PTK2B: variants seen among roughly 807,000 people sequenced by gnomAD.
PTK2B encodes the protein protein-tyrosine kinase 2-beta.
Under a neutral mutation model 142.9 loss-of-function variants are expected in PTK2B, and 71 were observed. That is an observed-to-expected ratio of 0.50 (90% confidence interval 0.41 to 0.61). The LOEUF is 0.61. Among genes scored for constraint, PTK2B ranks in the 20% least tolerant of loss-of-function variants. The probability of loss-of-function intolerance (pLI) is 0.00; values close to 1 mark genes in which losing one functional copy is unlikely to be tolerated. For missense variants in PTK2B, 1,105 were observed against 1,320.4 expected (o/e 0.84, Z 2.53); for synonymous variants, 519 against 503.4 (o/e 1.03, Z -0.42).
At chr8:27,427,195 T>C (rs1810138171) in intron 5 of PTK2B, among the ~76,000 whole-genome samples, 1 of 152,148 alleles carries the variant, frequency 6.6e-6, no homozygotes, top group Non-Finnish European at 1.5e-5. Flanking sequence ...GCTTGTCCTC[T>C]ACATACATAG....
upstream of PTK2B, chr8:27,311,366 C>T (rs1190657624): frequency 1.7e-5 from 21 of 1,221,076 alleles, no homozygotes; most frequent in Non-Finnish European, 2.2e-5. Context: ...GAGACAGCGG[C>T]GCTGGCCAAT....
intron 1 of PTK2B, among the ~76,000 whole-genome samples, chr8:27,383,601 A>C (rs1807162559): frequency 6.6e-6 from 1 of 152,080 alleles, no homozygotes; most frequent in Non-Finnish European, 1.5e-5. Context: ...TCCATCATAA[A>C]GGTCTTTCTT....
At chr8:27,401,767 A>G (rs1311075804) in intron 2 of PTK2B, among the ~76,000 whole-genome samples, 1 of 152,242 alleles carries the variant, frequency 6.6e-6, no homozygotes, top group Non-Finnish European at 1.5e-5. Flanking sequence ...TACATAATGG[A>G]AAATGCATTG....
chr8:27,451,820 G>A (rs1184613237), intron 27 of PTK2B: 2 of 1,247,116 alleles, frequency 1.6e-6, no homozygotes, highest in Non-Finnish European at 2.0e-6. Flanking sequence ...TTCCTGCTCT[G>A]TTGGAAGCTC....
intron 2 of PTK2B, among the ~76,000 whole-genome samples, chr8:27,405,577 A>G (rs929255318): frequency 6.6e-5 from 10 of 152,194 alleles, no homozygotes; most frequent in South Asian, 6.2e-4. Context: ...TATATTCACA[A>G]GGACCTTCTG....
Position 27,440,354 on chromosome 8 carries a change from C to T in PTK2B, c.1952C>T (p.Pro651Leu), listed in dbSNP as rs987053260. The T allele has an allele frequency of 1.2e-6, 2 of 1,614,090 alleles. No individual in the cohort carries two copies. The highest frequency in any genetic ancestry group is 1.7e-6 in the Non-Finnish European group (2 of 1,180,042). ...CGGCTGCCCAAGCCTGATCTCTGTC[C>T]ACCGGTCCTTTATACCCTCATGACC... ...GDRLPKPDLC[P>L]PVLYTLMTRC... Residue 651 changes from proline to leucine, a missense_variant, in exon 21 of 31, where the codon CCA becomes CTA. By Grantham distance (98) the Pro-to-Leu change is moderately conservative (BLOSUM62 -3). Coordinates refer to ENST00000346049, the MANE Select transcript of PTK2B (RefSeq NM_173176.3).
At chr8:27,405,026 C>A (rs1180535146) in intron 2 of PTK2B, among the ~76,000 whole-genome samples, 1 of 138,016 alleles carries the variant, frequency 7.2e-6, no homozygotes, top group Admixed American at 7.3e-5. Flanking sequence ...CCCTTCCTCT[C>A]TTTCTCTTCC....
At chr8:27,411,221 T>A (rs1809040634) in intron 2 of PTK2B, among the ~76,000 whole-genome samples, 1 of 152,154 alleles carries the variant, frequency 6.6e-6, no homozygotes, top group South Asian at 2.1e-4. Flanking sequence ...GGAGTGCTGA[T>A]CTTGCTGCCC....
At chr8:27,314,582 C>T (rs764456164) in intron 3 of PTK2B, among the ~76,000 whole-genome samples, 51 of 152,248 alleles carry the variant, frequency 3.3e-4, no homozygotes, top group Non-Finnish European at 5.7e-4. Flanking sequence ...AACTTTACTT[C>T]ATCCTCTCCA....
intron 15 of PTK2B, 137 bp from the exon 16 acceptor site, chr8:27,436,985 G>T: frequency 1.3e-6 from 1 of 764,694 alleles, no homozygotes; most frequent in South Asian, 1.5e-5. Flanking sequence ...GAAGACAAAG[G>T]GGAGAAGAAG....
upstream of PTK2B, chr8:27,311,387 G>T: frequency 1.0e-6 from 1 of 988,672 alleles, no homozygotes. Context: ...CGTGCGGGGG[G>T]GATGGCGAGG....
At chr8:27,423,336 C>T (rs1386314305) in intron 5 of PTK2B, among the ~76,000 whole-genome samples, 1 of 152,158 alleles carries the variant, frequency 6.6e-6, no homozygotes, top group Non-Finnish European at 1.5e-5. Context: ...CCCTCTCCTT[C>T]CCTTCTCTCT....
chr8:27,378,643 G>A (rs1806823683), intron 1 of PTK2B, among the ~76,000 whole-genome samples: 2 of 127,328 alleles, frequency 1.6e-5, no homozygotes, highest in South Asian at 5.1e-4. Context: ...GTGTGTGTGT[G>A]TGTGTGTACA....
At chr8:27,347,273 G>T (rs935981543) in intron 1 of PTK2B, among the ~76,000 whole-genome samples, 2 of 151,580 alleles carry the variant, frequency 1.3e-5, no homozygotes, top group Admixed American at 6.6e-5. Flanking sequence ...CCAGCTACTT[G>T]GGAGGCTGAG....
intron 10 of PTK2B, 94 bp downstream of exon 10, chr8:27,432,455 C>T (rs1190504595): frequency 8.8e-7 from 1 of 1,133,486 alleles, no homozygotes; most frequent in Middle Eastern, 2.5e-4. Context: ...CTGTGACACA[C>T]AGGAAGCCAG....
intron 3 of PTK2B, among the ~76,000 whole-genome samples, chr8:27,316,800 A>C (rs928859622): frequency 6.6e-6 from 1 of 152,240 alleles, no homozygotes; most frequent in African/African-American, 2.4e-5. Flanking sequence ...TAACTAGGGA[A>C]ACACTGAGGG....
intron 1 of PTK2B, among the ~76,000 whole-genome samples, chr8:27,395,568 T>C (rs921987477): frequency 1.3e-5 from 2 of 152,198 alleles, no homozygotes; most frequent in African/African-American, 4.8e-5. Flanking sequence ...TCTACCCACC[T>C]GCTGCCAGCT....
At chr8:27,445,212 A>G (rs936592873) in intron 23 of PTK2B, among the ~76,000 whole-genome samples, 2 of 152,140 alleles carry the variant, frequency 1.3e-5, no homozygotes, top group African/African-American at 4.8e-5. Context: ...TCTAAAAACA[A>G]ATAGTAATAC....
intron 27 of PTK2B, chr8:27,451,786 A>G (rs867964446): frequency 6.9e-6 from 9 of 1,310,154 alleles, no homozygotes; most frequent in Middle Eastern, 2.8e-4. Context: ...AGTTTGGAGG[A>G]GCTGGAAATT....
Sources: allele counts gnomAD v4.1 joint callset (sites outside exome capture counted in the v4.1 genomes callset), GRCh38; gene constraint gnomAD v4.1.1; transcripts MANE v1.5; gene names NCBI Gene and HGNC (gene_info 2026-07-23, HGNC 2026-07-21).